Variants in INPP4B observed in about 807,000 individuals in gnomAD.
INPP4B encodes the protein inositol polyphosphate 4-phosphatase type II.
A neutral mutation model predicts 122.5 loss-of-function variants in INPP4B; 55 were observed. The ratio of observed to expected loss-of-function variants is 0.45; its 90% CI spans 0.36 to 0.56. INPP4B has a LOEUF of 0.56. INPP4B is among the 20% of genes least tolerant of loss of function. INPP4B has a pLI of 0.00. For missense variants in INPP4B, 1,000 were observed against 1,097.7 expected, an observed-to-expected ratio of 0.91 and a Z score of 1.26; for synonymous variants, 403 against 388.7, an observed-to-expected ratio of 1.04 and a Z score of -0.43.
At chr4:142,676,147 A>G (rs1458008951) in intron 2 of INPP4B, among the ~76,000 whole-genome samples, 2 of 152,196 alleles carry the variant, frequency 1.3e-5, no homozygotes, top group Non-Finnish European at 2.9e-5. Flanking sequence ...ACTTCAGCAA[A>G]AGTCTCAGGA....
rs1497140 is a variant in INPP4B, at chr4:142,191,556, C to G, written c.1181+1531G>C. 5.5e-3 allele frequency among the ~76,000 whole-genome samples: 840 copies of G among 152,306 alleles called. 7 individuals are homozygous for G. Among genetic ancestry groups the G allele is most frequent in the Middle Eastern group, 0.014 (4 of 294 alleles). ...TGGGGCCTATGGTTTGAATTAACTT[C>G]CAACTCCCATAAAGTAAATAGGAGA... On this transcript the variant is annotated intron_variant, in intron 15 of 25. Transcript: ENST00000262992.
intron 2 of INPP4B, among the ~76,000 whole-genome samples, chr4:142,575,611 G>A (rs367597604): frequency 1.7e-4 from 26 of 151,906 alleles, no homozygotes; most frequent in African/African-American, 3.6e-4. Context: ...CAAAGCCTTC[G>A]TCCGTATTAA....
intron 2 of INPP4B, among the ~76,000 whole-genome samples, chr4:142,626,618 T>C (rs544032070): frequency 6.6e-6 from 1 of 152,160 alleles, no homozygotes; most frequent in Non-Finnish European, 1.5e-5. Flanking sequence ...TGTGGGATCA[T>C]GGGCAATGAC....
chr4:142,765,910 T>G (rs1449810341), intron 1 of INPP4B: 1 of 151,714 alleles, frequency 6.6e-6, no homozygotes, highest in Non-Finnish European at 1.5e-5. Context: ...GCTAACAAGG[T>G]GCTATTTTTT....
chr4:142,664,838 C>A (rs1007755591), intron 2 of INPP4B, among the ~76,000 whole-genome samples: 12 of 152,250 alleles, frequency 7.9e-5, no homozygotes, highest in African/African-American at 2.9e-4. Context: ...TGCTTAACAG[C>A]AGAATATGTT....
intron 2 of INPP4B, among the ~76,000 whole-genome samples, chr4:142,714,815 A>G (rs1044750162): frequency 1.3e-5 from 2 of 152,166 alleles, no homozygotes; most frequent in African/African-American, 2.4e-5. Flanking sequence ...CTCTGCTGGG[A>G]GAACAAGGGC....
chr4:142,086,119 T>C (rs1776616665), intron 24 of INPP4B, 25 bp downstream of exon 24: 2 of 1,384,892 alleles, frequency 1.4e-6, no homozygotes, highest in South Asian at 1.2e-5. Flanking sequence ...TGGCAGGAAA[T>C]AAGATTTGAC....
At chr4:142,218,948 G>T (rs1381833854) in intron 12 of INPP4B, among the ~76,000 whole-genome samples, 1 of 152,178 alleles carries the variant, frequency 6.6e-6, no homozygotes, top group African/African-American at 2.4e-5. Context: ...TCAACTGGAT[G>T]TCAGGTTTCA....
chr4:142,548,297 C>T (rs770919829), intron 2 of INPP4B, among the ~76,000 whole-genome samples: 3 of 152,058 alleles, frequency 2.0e-5, no homozygotes, highest in Non-Finnish European at 4.4e-5. Flanking sequence ...CAAGTAGTGA[C>T]CTGAGAGTTT....
chr4:142,209,052 A>T (rs761151557), intron 12 of INPP4B, 26 bp from the exon 13 acceptor site: 1 of 1,560,788 alleles, frequency 6.4e-7, no homozygotes, highest in Admixed American at 1.7e-5. Context: ...GAGAAGAGAA[A>T]CTTTATTTTT....
intron 1 of INPP4B, among the ~76,000 whole-genome samples, chr4:142,789,628 G>A (rs1776254474): frequency 6.6e-6 from 1 of 151,972 alleles, no homozygotes; most frequent in Admixed American, 6.6e-5. Context: ...CTCATGGATG[G>A]GTAGAATCAA....
At chr4:142,783,458 A>G (rs1775218954) in intron 1 of INPP4B, among the ~76,000 whole-genome samples, 1 of 152,166 alleles carries the variant, frequency 6.6e-6, no homozygotes, top group Non-Finnish European at 1.5e-5. Flanking sequence ...TTAAATTGGA[A>G]TTGGGTATCT....
At chr4:142,173,469 A>C (rs1417932715) in intron 16 of INPP4B, among the ~76,000 whole-genome samples, 163 bp downstream of exon 16, 1 of 151,706 alleles carries the variant, frequency 6.6e-6, no homozygotes, top group Non-Finnish European at 1.5e-5. Context: ...ACAGAGAATG[A>C]GGCCAATTCA....
intron 2 of INPP4B, among the ~76,000 whole-genome samples, chr4:142,508,218 C>G (rs1353318276): frequency 6.6e-6 from 1 of 152,114 alleles, no homozygotes; most frequent in Non-Finnish European, 1.5e-5. Flanking sequence ...CTTTGACCAG[C>G]CTTGCCCCTA....
chr4:142,832,756 A>T (rs1782304211), intron 1 of INPP4B, among the ~76,000 whole-genome samples: 4 of 144,204 alleles, frequency 2.8e-5, no homozygotes, highest in African/African-American at 1.2e-4. Flanking sequence ...CACAGTCTCT[A>T]CTCCCCCCCC....
intron 2 of INPP4B, among the ~76,000 whole-genome samples, chr4:142,715,123 CT>C (rs1763598420): frequency 1.3e-5 from 2 of 152,110 alleles, no homozygotes; most frequent in Admixed American, 1.3e-4. Context: ...AGACCAAATC[CT>C]TTTGAGCTCT....
intron 2 of INPP4B, among the ~76,000 whole-genome samples, chr4:142,466,489 G>C (rs1002743689): frequency 6.6e-6 from 1 of 152,094 alleles, no homozygotes; most frequent in African/African-American, 2.4e-5. Context: ...TCAGATACAA[G>C]GCAAATAAAT....
intron 2 of INPP4B, among the ~76,000 whole-genome samples, chr4:142,697,471 C>T (rs925171691): frequency 6.6e-5 from 10 of 152,142 alleles, no homozygotes; most frequent in Admixed American, 3.3e-4. Flanking sequence ...AGGCTTTAAC[C>T]ATGTGATAAT....
intron 7 of INPP4B, among the ~76,000 whole-genome samples, chr4:142,326,808 TC>T (rs1772558571): frequency 6.6e-6 from 1 of 152,140 alleles, no homozygotes; most frequent in South Asian, 2.1e-4. Context: ...TCAGGGCATG[TC>T]TTTTTTTACT....
Sources: gnomAD v4.1 joint callset for allele counts (sites outside exome capture counted in the v4.1 genomes callset) on GRCh38, gnomAD v4.1.1 for gene constraint, MANE v1.5 for transcripts, NCBI Gene and HGNC (gene_info 2026-07-23, HGNC 2026-07-21) for gene names.